Variants in CNTN5 observed in about 807,000 individuals in gnomAD.
CNTN5 encodes the protein contactin 5, also known as contactin-5.
Under a neutral mutation model 129.1 loss-of-function variants are expected in CNTN5, and 77 were observed. The observed-to-expected ratio is 0.60, with a 90% CI of 0.50 to 0.72. CNTN5 has a LOEUF of 0.72. Among genes scored for constraint, CNTN5 ranks in the 30% least tolerant of loss-of-function variants. CNTN5 has a pLI of 0.00. For synonymous variants in CNTN5, 509 were observed against 465.6 expected (o/e 1.09, Z -1.20); for missense variants, 1,478 against 1,328.8 (o/e 1.11, Z -1.75).
intron 11 of CNTN5, 30 bp from the exon 12 acceptor site, chr11:100,071,673 TTC>T: frequency 6.7e-7 from 1 of 1,503,166 alleles, no homozygotes; most frequent in East Asian, 2.4e-5. Flanking sequence ...TTTGTTTACT[TTC>T]TAGATCTAAT....
intron 3 of CNTN5, among the ~76,000 whole-genome samples, chr11:99,578,834 T>G (rs1373154144): frequency 6.6e-6 from 1 of 152,192 alleles, no homozygotes; most frequent in African/African-American, 2.4e-5. Context: ...TTTAGTTTAA[T>G]TAGATCCCAT....
intron 3 of CNTN5, among the ~76,000 whole-genome samples, chr11:99,817,493 C>T (rs1438932872): frequency 6.6e-6 from 1 of 151,362 alleles, no homozygotes; most frequent in Non-Finnish European, 1.5e-5. Flanking sequence ...TTACTATGGC[C>T]TTTCTACTTT....
chr11:100,029,738 C>T (rs538315348), intron 9 of CNTN5, among the ~76,000 whole-genome samples: 3 of 152,184 alleles, frequency 2.0e-5, no homozygotes, highest in Admixed American at 2.0e-4. Context: ...ACTATTCGTA[C>T]CCCTAGCTTT....
chr11:99,382,756 A>G (rs4754612), intron 2 of CNTN5, among the ~76,000 whole-genome samples: 151,611 of 151,746 alleles, frequency 1, 75,738 homozygotes, highest in Middle Eastern at 1. Flanking sequence ...AGGTTCTTCC[A>G]TTTTTGACAG....
chr11:99,299,320 A>T (rs1378321457), intron 1 of CNTN5, among the ~76,000 whole-genome samples: 1 of 152,150 alleles, frequency 6.6e-6, no homozygotes, highest in African/African-American at 2.4e-5. Flanking sequence ...ACAGTGTCTC[A>T]ACAAATAGAG....
chr11:99,494,598 T>C (rs1325786318), intron 2 of CNTN5, among the ~76,000 whole-genome samples: 1 of 152,096 alleles, frequency 6.6e-6, no homozygotes, highest in Non-Finnish European at 1.5e-5. Context: ...ACTCTGGAAA[T>C]AAAAGTTTTA....
chr11:99,478,074 T>A (rs942307060), intron 2 of CNTN5, among the ~76,000 whole-genome samples: 2 of 152,136 alleles, frequency 1.3e-5, no homozygotes, highest in Admixed American at 1.3e-4. Context: ...TTATTTATTA[T>A]CTATTGTGCT....
intron 1 of CNTN5, among the ~76,000 whole-genome samples, chr11:99,291,012 T>A (rs1362972534): frequency 6.6e-6 from 1 of 151,896 alleles, no homozygotes; most frequent in Non-Finnish European, 1.5e-5. Context: ...AACAGGTATG[T>A]GCTGCTAAAC....
intron 15 of CNTN5, among the ~76,000 whole-genome samples, chr11:100,199,609 A>G (rs1028264741): frequency 6.6e-6 from 1 of 151,938 alleles, no homozygotes; most frequent in Non-Finnish European, 1.5e-5. Context: ...AAAGTGCACC[A>G]TATTCATTCT....
intron 3 of CNTN5, among the ~76,000 whole-genome samples, chr11:99,817,272 GTTCACA>G (rs1946618416): frequency 6.6e-6 from 1 of 152,130 alleles, no homozygotes; most frequent in African/African-American, 2.4e-5. Context: ...ACAGCTTTGC[GTTCACA>G]TTAATTGATG....
At position 99,096,642 on chromosome 11, in the gene CNTN5, G is replaced by C. The variant is rs142157896; in HGVS notation, c.-210+75372G>C. ...TCCAAGGTTTCAAGTCTGACAGTAG[G>C]ACCCAGTTGTGTTTTTATTTTATTT... On this transcript the variant is annotated intron_variant, in intron 1 of 24. Coordinates refer to ENST00000524871, the MANE Select transcript of CNTN5 (RefSeq NM_014361.4). Among the ~76,000 whole-genome samples, 269 of 151,866 alleles carry C rather than the reference G, an allele frequency of 1.8e-3. 2 individuals are homozygous for C. The highest frequency in any genetic ancestry group is 6.1e-3 in the African/African-American group (252 of 41,506).
chr11:100,238,408 CAAAAAA>C (rs201855934), intron 16 of CNTN5, among the ~76,000 whole-genome samples: 1,092 of 71,312 alleles, frequency 0.015, 11 homozygotes, highest in African/African-American at 0.047. Context: ...CCTCACTTGT[CAAAAAA>C]AAAAAAAAAA....
chr11:99,977,983 C>T (rs771893234), intron 8 of CNTN5, among the ~76,000 whole-genome samples: 21 of 152,182 alleles, frequency 1.4e-4, no homozygotes, highest in Non-Finnish European at 7.3e-5. Flanking sequence ...CAGTCATGTG[C>T]TGCATAGCAA....
intron 1 of CNTN5, among the ~76,000 whole-genome samples, chr11:99,193,712 A>G (rs1858759703): frequency 6.6e-6 from 1 of 152,146 alleles, no homozygotes; most frequent in South Asian, 2.1e-4. Context: ...CCCATGGGCA[A>G]CCCAGGAGAC....
chr11:100,200,392 T>C (rs1396392260), intron 15 of CNTN5, among the ~76,000 whole-genome samples: 1 of 151,984 alleles, frequency 6.6e-6, no homozygotes, highest in East Asian at 1.9e-4. Context: ...TTCATCTAAA[T>C]ATAATCTACC....
chr11:99,579,387 G>A (rs184085079), intron 3 of CNTN5, among the ~76,000 whole-genome samples: 7,312 of 151,820 alleles, frequency 0.048, 545 homozygotes, highest in African/African-American at 0.16. Context: ...GTAGCTTGAT[G>A]GGGATGGCAT....
intron 2 of CNTN5, among the ~76,000 whole-genome samples, chr11:99,393,033 C>A (rs1261366623): frequency 1.3e-5 from 2 of 151,706 alleles, no homozygotes; most frequent in African/African-American, 4.8e-5. Context: ...AATATGACAT[C>A]TAATTTAAGT....
chr11:100,123,493 T>G (rs1192627008), intron 13 of CNTN5, among the ~76,000 whole-genome samples: 1 of 152,000 alleles, frequency 6.6e-6, no homozygotes, highest in South Asian at 2.1e-4. Flanking sequence ...TTTAACTGAT[T>G]ACAATGCCAA....
At chr11:99,668,418 A>G (rs1458807092) in intron 3 of CNTN5, among the ~76,000 whole-genome samples, 1 of 152,076 alleles carries the variant, frequency 6.6e-6, no homozygotes, top group African/African-American at 2.4e-5. Context: ...GTCTATCATA[A>G]GGGAAGAAGT....
Sources: allele counts gnomAD v4.1 joint callset (sites outside exome capture counted in the v4.1 genomes callset), GRCh38; gene constraint gnomAD v4.1.1; transcripts MANE v1.5; gene names NCBI Gene and HGNC (gene_info 2026-07-23, HGNC 2026-07-21).